CSPP1: variants seen among roughly 807,000 people sequenced by gnomAD.
CSPP1 encodes centrosome and spindle pole associated protein 1.
CSPP1 carries 126 observed loss-of-function variants against 164.4 expected under a neutral mutation model. The ratio of observed to expected loss-of-function variants is 0.77; its 90% CI spans 0.66 to 0.89. CSPP1 has a LOEUF of 0.89. Among genes scored for constraint, CSPP1 ranks in the 40% least tolerant of loss-of-function variants. CSPP1 has a pLI of 0.00. For synonymous variants in CSPP1, 472 were observed against 476.7 expected, an observed-to-expected ratio of 0.99 and a Z score of 0.13; for missense variants, 1,395 against 1,449.8, an observed-to-expected ratio of 0.96 and a Z score of 0.61.
intron 3 of CSPP1, among the ~76,000 whole-genome samples, chr8:67,080,064 T>G (rs1808819388): frequency 6.6e-6 from 1 of 152,242 alleles, no homozygotes; most frequent in Non-Finnish European, 1.5e-5. Flanking sequence ...ATTTAGTTAC[T>G]GACCTCCTGC....
chr8:67,193,413 T>C (rs373568814), intron 29 of CSPP1, 51 bp from the exon 30 acceptor site: 11 of 1,555,026 alleles, frequency 7.1e-6, no homozygotes, highest in East Asian at 2.3e-5. Flanking sequence ...CACTGATTTG[T>C]GAACATATTT....
rs570912991 is a variant in CSPP1 at position 67,167,052 on chromosome 8, G to T, written c.2828+2544G>T. The stretch of plus-strand genomic sequence containing the variant: ...GCACCGGGTTGGGGGTAAGGTCATA[G>T]ATCAACAGCATCCCAAGGCAGAAGA... On this transcript the variant is annotated intron_variant, in intron 24 of 30. Coordinates refer to ENST00000678616, the MANE Select transcript of CSPP1 (RefSeq NM_001382391.1). Among the ~76,000 whole-genome samples, 1,237 of 152,304 alleles carry T rather than the reference G, an allele frequency of 8.1e-3. 8 individuals are homozygous for T. Among genetic ancestry groups the T allele is most frequent in the African/African-American group, 0.028 (1,183 of 41,560 alleles).
intron 15 of CSPP1, among the ~76,000 whole-genome samples, chr8:67,128,663 A>G (rs1820609317): frequency 6.6e-6 from 1 of 152,194 alleles, no homozygotes; most frequent in Admixed American, 6.5e-5. Context: ...CTTAAACCTA[A>G]TAAGACCAGT....
intron 4 of CSPP1, among the ~76,000 whole-genome samples, chr8:67,091,364 T>C (rs1290830780): frequency 6.6e-6 from 1 of 152,220 alleles, no homozygotes; most frequent in Non-Finnish European, 1.5e-5. Flanking sequence ...TCAGTAGATA[T>C]TCACTCACAT....
In CSPP1 at chr8:67,131,936, G is replaced by T; in HGVS notation, c.1698-15G>T. The T allele has an allele frequency of 6.4e-7, 1 of 1,568,602 alleles. No homozygotes were observed. The highest frequency in any genetic ancestry group is 8.7e-7 in the Non-Finnish European group (1 of 1,155,812). On this transcript the variant is annotated splice_polypyrimidine_tract_variant and intron_variant, in intron 15 of 30. Coordinates refer to ENST00000678616, the MANE Select transcript of CSPP1 (RefSeq NM_001382391.1). The stretch of plus-strand genomic sequence containing the variant: ...CGTCAATGGATTTAAATTATTTATT[G>T]TGTATTTGATGTAGGAATACGGTTG...
At chr8:67,067,221 G>C (rs1317777100) in intron 1 of CSPP1, among the ~76,000 whole-genome samples, 2 of 152,188 alleles carry the variant, frequency 1.3e-5, no homozygotes, top group Non-Finnish European at 1.5e-5. Flanking sequence ...GTGACTGATG[G>C]ATTTGGGAGA....
At chr8:67,096,359 G>A (rs1352784821) in intron 7 of CSPP1, among the ~76,000 whole-genome samples, 1 of 152,104 alleles carries the variant, frequency 6.6e-6, no homozygotes, top group Non-Finnish European at 1.5e-5. Context: ...GAGGTAAGGA[G>A]GTTGAGACCA....
At position 67,111,501 on chromosome 8, in the gene CSPP1, G is replaced by A. The variant is rs901397914; in HGVS notation, c.1094-471G>A. Reference sequence around the variant, plus strand: ...TGGCTCTGAGAATAGAAAGGAGGGGGCCTCATATGAAGTGAATAGAAGAGG... The same window carrying A: ...TGGCTCTGAGAATAGAAAGGAGGGGACCTCATATGAAGTGAATAGAAGAGG... On this transcript the variant is annotated intron_variant, in intron 9 of 30. Transcript: ENST00000678616. 6.6e-5 allele frequency among the ~76,000 whole-genome samples: 10 copies of A among 152,172 alleles called. No homozygotes were observed. In the South Asian group the frequency reaches 2.1e-3, roughly 32 times the overall value.
chr8:67,176,832 G>A (rs927055058), intron 26 of CSPP1, among the ~76,000 whole-genome samples: 1 of 152,088 alleles, frequency 6.6e-6, no homozygotes, highest in African/African-American at 2.4e-5. Context: ...AGCGCTTTGG[G>A]AGGCTGAAGT....
At position 67,184,915 on chromosome 8, in the gene CSPP1, C is replaced by T. The variant is rs186025425; in HGVS notation, c.3220+4989C>T. Among the ~76,000 whole-genome samples the T allele has an allele frequency of 9.3e-4, 119 of 127,556 alleles. 1 individual carries two copies. Among genetic ancestry groups the T allele is most frequent in the African/African-American group, 2.8e-3 (94 of 34,120 alleles). 83.7% of individuals were successfully genotyped at this position (127,556 alleles called of 152,430 possible). A position where few individuals can be genotyped will look rare whatever the true frequency, so the allele number is the denominator to read the frequency against. On this transcript the variant is annotated intron_variant, in intron 28 of 30. Coordinates refer to ENST00000678616, the MANE Select transcript of CSPP1 (RefSeq NM_001382391.1). ...GAGATTGAGACCATCCTGGCTAACA[C>T]GGTGAAATCATGTCTCTACTAAAAA...
At chr8:67,116,806 T>C (rs1006061187) in intron 13 of CSPP1, among the ~76,000 whole-genome samples, 1 of 152,142 alleles carries the variant, frequency 6.6e-6, no homozygotes, top group African/African-American at 2.4e-5. Context: ...ATAAAATATA[T>C]TTAAATTTAG....
At chr8:67,104,966 A>ATATT (rs1247108884) in intron 8 of CSPP1, among the ~76,000 whole-genome samples, 3 of 60,748 alleles carry the variant, frequency 4.9e-5, no homozygotes, top group African/African-American at 6.9e-5. Context: ...ATATATATAT[A>ATATT]TTTTTTTTTT....
Position 67,190,637 on chromosome 8 carries a change from G to C in CSPP1, c.3221-13G>C. ...AGTATTAAGACTCCTTCTGCTTTTC[G>C]GGGTCCTCTTAGGGGCTTACGGTGA... is the stretch of plus-strand genomic sequence containing the variant. On this transcript the variant is annotated splice_polypyrimidine_tract_variant and intron_variant, in intron 28 of 30. Coordinates refer to ENST00000678616, the MANE Select transcript of CSPP1 (RefSeq NM_001382391.1). 1 of 1,599,058 alleles carries C rather than the reference G, an allele frequency of 6.3e-7. No individual in the cohort carries two copies. The highest frequency in any genetic ancestry group is 8.6e-7 in the Non-Finnish European group (1 of 1,166,276).
rs149297949 is a variant in CSPP1 at position 67,175,472 on chromosome 8, G to A, written c.3109+36G>A. On this transcript the variant is annotated intron_variant, in intron 26 of 30. Transcript: ENST00000678616. ...ATCATTGCTGTGTCAAATAGTATCA[G>A]CACGCTGTTTTTCCGTAGGCTTTCT... 341 of 1,612,440 alleles carry A rather than the reference G, an allele frequency of 2.1e-4. 3 individuals are homozygous for A. The African/African-American group carries it at 4.2e-3, about 20-fold the overall frequency.
intron 15 of CSPP1, among the ~76,000 whole-genome samples, chr8:67,120,431 G>C (rs1317766545): frequency 1.3e-5 from 2 of 152,158 alleles, no homozygotes; most frequent in Non-Finnish European, 2.9e-5. Flanking sequence ...TGAGTAGTGA[G>C]TGTATTGAAT....
chr8:67,079,812 A>G (rs908817317), intron 3 of CSPP1, among the ~76,000 whole-genome samples: 8 of 152,226 alleles, frequency 5.3e-5, no homozygotes, highest in African/African-American at 1.9e-4. Context: ...CCACAATGAC[A>G]TGCCAACTTG....
In CSPP1 at chr8:67,175,313, G is replaced by A. The variant is rs1384362094; in HGVS notation, c.2986G>A (p.Asp996Asn). 3 of 1,611,038 alleles carry A rather than the reference G, an allele frequency of 1.9e-6. No individual in the cohort carries two copies. The Admixed American group carries it at 5.0e-5, about 27-fold the overall frequency. Reference protein sequence around the residue: ...LKDRDSETRVDLKFMYLDPPR... With the variant: ...LKDRDSETRVNLKFMYLDPPR... ...TATACCAGATTCAGAAACACGAGTT[G>A]ATCTGAAATTTATGTACCTGGATCC... is the stretch of plus-strand genomic sequence containing the variant. The change falls in exon 26 of 31, where the codon GAT becomes AAT. Residue 996 changes from aspartate (D) to asparagine (N), a missense_variant. Physicochemically the swap from Asp to Asn is conservative, Grantham distance 23. Transcript: ENST00000678616.
intron 1 of CSPP1, among the ~76,000 whole-genome samples, chr8:67,072,869 CAAAAAAAAAAAAA>C (rs58087584): frequency 1.7e-5 from 1 of 59,284 alleles, no homozygotes. Context: ...GAGCCTGTCT[CAAAAAAAAAAAAA>C]AAAAAAAAGA....
chr8:67,130,923 T>C (rs180993329), intron 15 of CSPP1, among the ~76,000 whole-genome samples: 52 of 152,208 alleles, frequency 3.4e-4, no homozygotes, highest in African/African-American at 1.1e-3. Context: ...GGGAGGCGGA[T>C]GTTGCAGTGA....
Sources: allele counts gnomAD v4.1 joint callset (sites outside exome capture counted in the v4.1 genomes callset), GRCh38; gene constraint gnomAD v4.1.1; transcripts MANE v1.5; gene names NCBI Gene and HGNC (gene_info 2026-07-23, HGNC 2026-07-21).